The following GTF2H4 variants were observed in gnomAD, a reference collection of about 807,000 sequenced individuals.
The protein encoded by GTF2H4 is general transcription factor IIH subunit 4.
GTF2H4 carries 49 observed loss-of-function variants against 62.2 expected under a neutral mutation model. The ratio of observed to expected loss-of-function variants is 0.79; its 90% CI spans 0.63 to 1.00. The LOEUF is 1.00. GTF2H4 is among the 50% of genes least tolerant of loss of function. The probability of loss-of-function intolerance (pLI) is 0.00; values close to 1 mark genes in which losing one functional copy is unlikely to be tolerated. For missense variants in GTF2H4, 479 were observed against 587.8 expected, an observed-to-expected ratio of 0.81 and a Z score of 1.91; for synonymous variants, 189 against 233.8, an observed-to-expected ratio of 0.81 and a Z score of 1.75.
chr6:30,913,346 G>C lies in GTF2H4; in HGVS notation c.1175G>C (p.Arg392Pro). ...VLPPTITDQI[R>P]LWELERDRLR... ...CCCCCCACCATCACCGACCAGATCC[G>C]GCTCTGGGAGCTGGAAAGGGACAGA... The change falls in exon 13 of 14, where the codon CGG (arginine) becomes CCG (proline). Residue 392 changes from arginine (R) to proline (P), a missense_variant. Transcript: ENST00000259895. The surrounding 1 kb of genome is among the most constrained non-coding windows in gnomAD (Gnocchi z 4.2). 1 of 1,613,304 alleles carries C rather than the reference G, an allele frequency of 6.2e-7. No homozygotes were observed. Among genetic ancestry groups the C allele is most frequent in the Non-Finnish European group, 8.5e-7 (1 of 1,180,026 alleles).
chr6:30,911,008 C>T lies in GTF2H4; in HGVS notation c.560+67C>T, dbSNP rs961705189. 1.1e-5 allele frequency: 15 copies of T among 1,394,026 alleles called. No homozygotes were observed. Among genetic ancestry groups the T allele is most frequent in the Middle Eastern group, 1.8e-4 (1 of 5,514 alleles). 86.4% of individuals were successfully genotyped at this position (1,394,026 alleles called of 1,614,324 possible). ...TCCTTGGGTCCCTAAGAAATGGTATCTGGGGCTAGTCAAGATCAGAGGACA... is the reference window on the plus strand; with the variant it reads ...TCCTTGGGTCCCTAAGAAATGGTATTTGGGGCTAGTCAAGATCAGAGGACA... On this transcript the variant is annotated intron_variant, in intron 6 of 13. Transcript: ENST00000259895. This position sits in a 1 kb window ranked among gnomAD's most constrained non-coding sequence, Gnocchi z 4.3.
In GTF2H4 at chr6:30,911,010, G is replaced by A; in HGVS notation, c.560+69G>A. Reference sequence around the variant, plus strand: ...CTTGGGTCCCTAAGAAATGGTATCTGGGGCTAGTCAAGATCAGAGGACATT... The same window carrying A: ...CTTGGGTCCCTAAGAAATGGTATCTAGGGCTAGTCAAGATCAGAGGACATT... On this transcript the variant is annotated intron_variant, in intron 6 of 13. Coordinates refer to ENST00000259895, the MANE Select transcript of GTF2H4 (RefSeq NM_001517.5). This position sits in a 1 kb window ranked among gnomAD's most constrained non-coding sequence, Gnocchi z 4.3. The A allele has an allele frequency of 7.2e-7, 1 of 1,388,982 alleles. No individual in the cohort carries two copies. The highest frequency in any genetic ancestry group is 1.0e-6 in the Non-Finnish European group (1 of 995,474). 86.0% of individuals were successfully genotyped at this position (1,388,982 alleles called of 1,614,324 possible).
At position 30,911,519 on chromosome 6, in the gene GTF2H4, G is replaced by T. The variant is rs1281767740; in HGVS notation, c.741+20G>T. The stretch of plus-strand genomic sequence containing the variant: ...GGCAAGGTAAGCAGGGGGCTGAAAG[G>T]TATAGAGATGGGAAGGGGAAAGCAA... On this transcript the variant is annotated intron_variant, in intron 8 of 13. Transcript: ENST00000259895. The surrounding 1 kb of genome is among the most constrained non-coding windows in gnomAD (Gnocchi z 4.3). 6.2e-7 allele frequency: 1 copy of T among 1,603,682 alleles called. No homozygotes were observed. The highest frequency in any genetic ancestry group is 1.1e-5 in the South Asian group (1 of 90,832).
In GTF2H4 at chr6:30,909,123, G is replaced by C; in HGVS notation, c.87G>C (p.Gly29=). ...LQEFLGGLSP[G]VLDRLYGHPA... ...AATTCTTAGGGGGCCTGAGCCCTGG[G>C]GTATTGGACCGATTGTATGGGCACC... Residue 29 remains glycine, a synonymous_variant, in exon 2 of 14, where the codon GGG becomes GGC. Transcript: ENST00000259895. This position sits in a 1 kb window ranked among gnomAD's most constrained non-coding sequence, Gnocchi z 4.3. The C allele has an allele frequency of 1.2e-6, 2 of 1,614,146 alleles. No individual in the cohort carries two copies. The highest frequency in any genetic ancestry group is 8.5e-7 in the Non-Finnish European group (1 of 1,180,022).
At position 30,911,103 on chromosome 6, in the gene GTF2H4, G is replaced by A; in HGVS notation, c.561-55G>A. ...AAGAAAAAACGTGAGTGGACAAGTGGGGATAGTAGTCTTTCTCTGCATATC... is the reference window on the plus strand; with the variant it reads ...AAGAAAAAACGTGAGTGGACAAGTGAGGATAGTAGTCTTTCTCTGCATATC... On this transcript the variant is annotated intron_variant, in intron 6 of 13. Transcript: ENST00000259895. This position sits in a 1 kb window ranked among gnomAD's most constrained non-coding sequence, Gnocchi z 4.3. 1 of 1,436,794 alleles carries A rather than the reference G, an allele frequency of 7.0e-7. No individual in the cohort carries two copies. Among genetic ancestry groups the A allele is most frequent in the Non-Finnish European group, 9.8e-7 (1 of 1,020,186 alleles). The allele number at this position is 1,436,794 out of a possible 1,614,324, so 89.0% of individuals were successfully genotyped here.
In GTF2H4 at chr6:30,910,113, A is replaced by G; in HGVS notation, c.374+50A>G. 6.3e-7 allele frequency: 1 copy of G among 1,595,324 alleles called. No individual in the cohort carries two copies. The highest frequency in any genetic ancestry group is 8.5e-7 in the Non-Finnish European group (1 of 1,170,400). On this transcript the variant is annotated intron_variant, in intron 4 of 13. Transcript: ENST00000259895. The surrounding 1 kb of genome is among the most constrained non-coding windows in gnomAD (Gnocchi z 4.7). ...AGCTAGGGCAGGGGAACTGCTGCTT[A>G]TTAAACCACTAATTAAACTTTGGGA...
At position 30,909,984 on chromosome 6, in the gene GTF2H4, C is replaced by T. The variant is rs1562436279; in HGVS notation, c.295C>T (p.Gln99Ter). The change falls in exon 4 of 14, where the codon CAG (glutamine) becomes TAG (stop). Residue 99 changes from glutamine to a stop codon, truncating the protein, a stop_gained. Coordinates refer to ENST00000259895, the MANE Select transcript of GTF2H4 (RefSeq NM_001517.5). LOFTEE classifies it high-confidence loss of function. The surrounding 1 kb of genome is among the most constrained non-coding windows in gnomAD (Gnocchi z 4.3). ...GAGCGGCCTCCGGATCTGGCACACA[C>T]AGCTGCTCCCAGGCGGGCTCCAGGG... ...LLSGLRIWHT[Q>*]LLPGGLQGLI... 2 of 1,612,980 alleles carry T rather than the reference C, an allele frequency of 1.2e-6. No homozygotes were observed. The highest frequency in any genetic ancestry group is 4.5e-5 in the East Asian group (2 of 44,882).
chr6:30,913,767 T>C lies in GTF2H4; in HGVS notation c.1217-44T>C, dbSNP rs1210928437. ...TCCCAATAGGAGCTCCGAGCTTCAC[T>C]TTCTCGTCTTCTCCCCGCGCCCCTC... On this transcript the variant is annotated intron_variant, in intron 13 of 13. Transcript: ENST00000259895. The surrounding 1 kb of genome is among the most constrained non-coding windows in gnomAD (Gnocchi z 4.2). 1 of 1,489,268 alleles carries C rather than the reference T, an allele frequency of 6.7e-7. No individual in the cohort carries two copies. The highest frequency in any genetic ancestry group is 1.4e-5 in the South Asian group (1 of 73,484). The allele number at this position is 1,489,268 out of a possible 1,614,324, so 92.3% of individuals were successfully genotyped here. A position where few individuals can be genotyped will look rare whatever the true frequency, so the allele number is the denominator to read the frequency against.
chr6:30,909,034 G>C lies in GTF2H4; in HGVS notation c.-3G>C, dbSNP rs776911370. The C allele has an allele frequency of 1.9e-6, 3 of 1,613,948 alleles. No homozygotes were observed. In the African/African-American group the frequency reaches 4.0e-5, roughly 22 times the overall value. ...CACTTCTGACGTTTGCATTCCTCAG[G>C]TGATGGAGAGCACCCCTTCAAGGGG... On this transcript the variant is annotated splice_region_variant and 5_prime_UTR_variant, in exon 2 of 14. Coordinates refer to ENST00000259895, the MANE Select transcript of GTF2H4 (RefSeq NM_001517.5). This position sits in a 1 kb window ranked among gnomAD's most constrained non-coding sequence, Gnocchi z 4.3.
chr6:30,913,440 C>A lies in GTF2H4; in HGVS notation c.1216+53C>A. 6.3e-7 allele frequency: 1 copy of A among 1,575,888 alleles called. No individual in the cohort carries two copies. The highest frequency in any genetic ancestry group is 8.7e-7 in the Non-Finnish European group (1 of 1,155,692). On this transcript the variant is annotated intron_variant, in intron 13 of 13. Transcript: ENST00000259895. This position sits in a 1 kb window ranked among gnomAD's most constrained non-coding sequence, Gnocchi z 4.2. ...GGTCATTGGCCAGAGAAAGGGCAGACAGTTCAGTCTGCATTTTATTTTTTA... is the reference window on the plus strand; with the variant it reads ...GGTCATTGGCCAGAGAAAGGGCAGAAAGTTCAGTCTGCATTTTATTTTTTA...
chr6:30,910,210 AC>A lies in GTF2H4; in HGVS notation c.374+149del. ...GGGAACTCCTTTAGGAGTAAGTTGG[AC>A]CAGATGTAGTGTGTGGTGTAGGAAA... On this transcript the variant is annotated intron_variant, in intron 4 of 13. Transcript: ENST00000259895. This position sits in a 1 kb window ranked among gnomAD's most constrained non-coding sequence, Gnocchi z 4.7. The A allele has an allele frequency of 1.2e-6, 1 of 814,786 alleles. No individual in the cohort carries two copies. The highest frequency in any genetic ancestry group is 2.0e-6 in the Non-Finnish European group (1 of 506,626). The allele number at this position is 814,786 out of a possible 1,614,324, so 50.5% of individuals were successfully genotyped here. A position where few individuals can be genotyped will look rare whatever the true frequency, so the allele number is the denominator to read the frequency against.
In GTF2H4 at chr6:30,909,011, C is replaced by T. The variant is rs1396735275; in HGVS notation, c.-3-23C>T. Reference sequence around the variant, plus strand: ...CACTGGCATGGATGGTGAGGTTGCACTTCTGACGTTTGCATTCCTCAGGTG... The same window carrying T: ...CACTGGCATGGATGGTGAGGTTGCATTTCTGACGTTTGCATTCCTCAGGTG... On this transcript the variant is annotated intron_variant, in intron 1 of 13. Transcript: ENST00000259895. The surrounding 1 kb of genome is among the most constrained non-coding windows in gnomAD (Gnocchi z 4.3). The T allele has an allele frequency of 2.5e-6, 4 of 1,613,552 alleles. No individual in the cohort carries two copies. The highest frequency in any genetic ancestry group is 2.7e-5 in the African/African-American group (2 of 74,910).
Position 30,910,616 on chromosome 6 carries a change from C to A in GTF2H4, c.375-49C>A. The A allele has an allele frequency of 7.5e-7, 1 of 1,335,112 alleles. No homozygotes were observed. Among genetic ancestry groups the A allele is most frequent in the Non-Finnish European group, 1.1e-6 (1 of 928,376 alleles). The allele number at this position is 1,335,112 out of a possible 1,614,324, so 82.7% of individuals were successfully genotyped here. ...AAAGTACAGGGATTACAGGTGTGAG[C>A]CACTGCGCCTGGCCAGGGTTCCTTA... On this transcript the variant is annotated intron_variant, in intron 4 of 13. Transcript: ENST00000259895. This position sits in a 1 kb window ranked among gnomAD's most constrained non-coding sequence, Gnocchi z 4.7.
At position 30,913,175 on chromosome 6, in the gene GTF2H4, G is replaced by T. The variant is rs138449990; in HGVS notation, c.1137+18G>T. ...TCAAACAGGTATAGACAGGCTCCAA[G>T]ATGTCAGAGGCTGGCAGCTGGTGAT... On this transcript the variant is annotated intron_variant, in intron 12 of 13. Transcript: ENST00000259895. This position sits in a 1 kb window ranked among gnomAD's most constrained non-coding sequence, Gnocchi z 4.2. The T allele has an allele frequency of 3.3e-4, 533 of 1,614,034 alleles. 2 individuals carry two copies. The East Asian group carries it at 0.011, about 34-fold the overall frequency.
rs1388040989 is a variant in GTF2H4 at position 30,912,714 on chromosome 6, G to A, written c.1089+256G>A. Reference sequence around the variant, plus strand: ...ATCCTAACTGCGTAAACTAGACATAGTTGTTTTGCCTCTGTGAGCCTCAGT... The same window carrying A: ...ATCCTAACTGCGTAAACTAGACATAATTGTTTTGCCTCTGTGAGCCTCAGT... On this transcript the variant is annotated intron_variant, in intron 11 of 13. Transcript: ENST00000259895. The surrounding 1 kb of genome is among the most constrained non-coding windows in gnomAD (Gnocchi z 4.8). Among the ~76,000 whole-genome samples the A allele has an allele frequency of 6.6e-6, 1 of 152,154 alleles. No individual in the cohort carries two copies. The highest frequency in any genetic ancestry group is 1.9e-4 in the East Asian group (1 of 5,192).
Position 30,909,282 on chromosome 6 carries a change from G to A in GTF2H4, c.137+109G>A. The A allele has an allele frequency of 2.9e-6, 4 of 1,391,120 alleles. No individual in the cohort carries two copies. Among genetic ancestry groups the A allele is most frequent in the Non-Finnish European group, 3.9e-6 (4 of 1,026,590 alleles). 86.2% of individuals were successfully genotyped at this position (1,391,120 alleles called of 1,614,324 possible). ...GAGTCGGGGTGGGGACTGGGGGCAA[G>A]GGTTGGAAATTGCTCTAAAGTGTGG... On this transcript the variant is annotated intron_variant, in intron 2 of 13. Transcript: ENST00000259895. The surrounding 1 kb of genome is among the most constrained non-coding windows in gnomAD (Gnocchi z 4.3).
In GTF2H4 at chr6:30,912,321, G is replaced by C; in HGVS notation, c.959-7G>C. 1 of 1,612,944 alleles carries C rather than the reference G, an allele frequency of 6.2e-7. No homozygotes were observed. Among genetic ancestry groups the C allele is most frequent in the South Asian group, 1.1e-5 (1 of 91,084 alleles). On this transcript the variant is annotated splice_region_variant and splice_polypyrimidine_tract_variant and intron_variant, in intron 10 of 13. Coordinates refer to ENST00000259895, the MANE Select transcript of GTF2H4 (RefSeq NM_001517.5). The surrounding 1 kb of genome is among the most constrained non-coding windows in gnomAD (Gnocchi z 4.8). ...GCCTCCTCATCCTCTTTCTATCCCT[G>C]GCTCAGAGTCGGAGCTGCAGATTGC...
chr6:30,909,595 C>T lies in GTF2H4; in HGVS notation c.242+56C>T. 2 of 1,055,184 alleles carry T rather than the reference C, an allele frequency of 1.9e-6. No individual in the cohort carries two copies. Among genetic ancestry groups the T allele is most frequent in the East Asian group, 2.4e-5 (1 of 42,130 alleles). The allele number at this position is 1,055,184 out of a possible 1,614,324, so 65.4% of individuals were successfully genotyped here. ...CAGCTACATTTCCCAAACTGCTGTT[C>T]CTTGGAGCACTTCCAGGAAGTGTTA... On this transcript the variant is annotated intron_variant, in intron 3 of 13. Transcript: ENST00000259895. The surrounding 1 kb of genome is among the most constrained non-coding windows in gnomAD (Gnocchi z 4.3).
Position 30,910,908 on chromosome 6 carries a change from C to T in GTF2H4, c.527C>T (p.Ala176Val). The T allele has an allele frequency of 1.9e-6, 3 of 1,610,866 alleles. No homozygotes were observed. Among genetic ancestry groups the T allele is most frequent in the Non-Finnish European group, 2.5e-6 (3 of 1,179,124 alleles). ...SPSAAVSQDL[A>V]QLLSQAGLMK... Reference sequence around the variant, plus strand: ...AGTGCAGCTGTCAGCCAGGACTTGGCTCAGCTCCTCAGCCAGGCTGGGCTC... The same window carrying T: ...AGTGCAGCTGTCAGCCAGGACTTGGTTCAGCTCCTCAGCCAGGCTGGGCTC... The change falls in exon 6 of 14, where the codon GCT (alanine) becomes GTT (valine). Residue 176 changes from alanine to valine, a missense_variant. By Grantham distance (64) the Ala-to-Val change is moderately conservative. Transcript: ENST00000259895. The surrounding 1 kb of genome is among the most constrained non-coding windows in gnomAD (Gnocchi z 4.7).
Sources: allele counts gnomAD v4.1 joint callset (sites outside exome capture counted in the v4.1 genomes callset), GRCh38; gene constraint gnomAD v4.1.1; non-coding constraint Gnocchi (gnomAD v3.1); transcripts MANE v1.5; gene names NCBI Gene and HGNC (gene_info 2026-07-23, HGNC 2026-07-21).